PSD2: variants seen among roughly 807,000 people sequenced by gnomAD.
PSD2 encodes the protein pleckstrin and Sec7 domain containing 2, also known as PH and SEC7 domain-containing protein 2.
A neutral mutation model predicts 69.8 loss-of-function variants in PSD2; 38 were observed. The ratio of observed to expected loss-of-function variants is 0.54; its 90% CI spans 0.42 to 0.71. The LOEUF is 0.71. PSD2 is among the 30% of genes least tolerant of loss of function. The pLI, the probability that PSD2 is intolerant of heterozygous loss-of-function variation, is 0.00. For missense variants in PSD2, 943 were observed against 1,014.5 expected, an observed-to-expected ratio of 0.93 and a Z score of 0.96; for synonymous variants, 412 against 423.0, an observed-to-expected ratio of 0.97 and a Z score of 0.32.
At chr5:139,811,332 T>C (rs1243125300) in intron 2 of PSD2, among the ~76,000 whole-genome samples, 1 of 152,016 alleles carries the variant, frequency 6.6e-6, no homozygotes, top group Non-Finnish European at 1.5e-5. Context: ...TCTTAGGCAC[T>C]GGGGGGCCAA....
the PSD2 span, among the ~76,000 whole-genome samples, chr5:139,768,214 G>A: frequency 1.3e-5 from 2 of 152,230 alleles, no homozygotes; most frequent in Non-Finnish European, 2.9e-5. Context: ...GGGGGAGGAA[G>A]AGGAGGGAGA....
At position 139,817,466 on chromosome 5, in the gene PSD2, A is replaced by G; in HGVS notation, c.1017-15A>G. ...GGACCCTGCTTCTAACAGACATCCCATACTCTCCTGGCAGCAACGAGTTTA... is the reference window on the plus strand; with the variant it reads ...GGACCCTGCTTCTAACAGACATCCCGTACTCTCCTGGCAGCAACGAGTTTA... On this transcript the variant is annotated splice_polypyrimidine_tract_variant and intron_variant, in intron 4 of 14. Transcript: ENST00000274710. The G allele has an allele frequency of 1.9e-6, 3 of 1,611,904 alleles. No homozygotes were observed. Among genetic ancestry groups the G allele is most frequent in the South Asian group, 1.1e-5 (1 of 91,008 alleles).
chr5:139,745,816 C>G, the PSD2 span, among the ~76,000 whole-genome samples: 26 of 152,318 alleles, frequency 1.7e-4, no homozygotes, highest in African/African-American at 6.3e-4. Context: ...GCCTGGCCTG[C>G]CTCTGGGGCT....
At chr5:139,758,391 G>A in the PSD2 span, among the ~76,000 whole-genome samples, 1 of 152,208 alleles carries the variant, frequency 6.6e-6, no homozygotes, top group African/African-American at 2.4e-5. Context: ...CACAGTGAGT[G>A]TTTCTGGAGG....
the PSD2 span, among the ~76,000 whole-genome samples, chr5:139,790,662 C>T: frequency 6.6e-6 from 1 of 152,126 alleles, no homozygotes; most frequent in Non-Finnish European, 1.5e-5. Context: ...AAGCTAAGAC[C>T]AGGCCTGTGA....
chr5:139,766,832 T>TCTCTCTTTCTTTCA, the PSD2 span, among the ~76,000 whole-genome samples: 1 of 47,552 alleles, frequency 2.1e-5, no homozygotes, highest in East Asian at 9.2e-4. Context: ...CCCTTCCTTC[T>TCTCTCTTTCTTTCA]TTCTTTCTTT....
intron 1 of PSD2, among the ~76,000 whole-genome samples, chr5:139,807,851 CACACTTG>C (rs1481514286): frequency 6.6e-6 from 1 of 152,204 alleles, no homozygotes; most frequent in Admixed American, 6.5e-5. Flanking sequence ...CCAGTGTTCC[CACACTTG>C]CCTCGTTATA....
At chr5:139,778,823 G>C in the PSD2 span, among the ~76,000 whole-genome samples, 1 of 151,968 alleles carries the variant, frequency 6.6e-6, no homozygotes. Context: ...CAGCTACTCA[G>C]GGGGCTGAGG....
chr5:139,834,103 A>G (rs540464572), intron 8 of PSD2, among the ~76,000 whole-genome samples: 2 of 152,214 alleles, frequency 1.3e-5, no homozygotes, highest in South Asian at 4.2e-4. Flanking sequence ...CTTCACCACA[A>G]ACATCATTAT....
chr5:139,838,508 AC>A, intron 12 of PSD2, 119 bp from the exon 13 acceptor site: 1 of 1,079,494 alleles, frequency 9.3e-7, no homozygotes, highest in Non-Finnish European at 1.4e-6. Flanking sequence ...CCCTTTATCC[AC>A]CCATCTAGAG....
At chr5:139,763,204 G>A in the PSD2 span, among the ~76,000 whole-genome samples, 1 of 152,086 alleles carries the variant, frequency 6.6e-6, no homozygotes, top group Non-Finnish European at 1.5e-5. Flanking sequence ...GATGTGTGAG[G>A]TGTGTGGGAC....
Position 139,822,936 on chromosome 5 carries a change from G to C in PSD2, c.1269+152G>C, listed in dbSNP as rs529861741. ...CAGCTTGGCTTCTAGATTTGGCCCC[G>C]CCCTAGTTTCATCCACCTGTGATCC... On this transcript the variant is annotated intron_variant, in intron 7 of 14. Coordinates refer to ENST00000274710, the MANE Select transcript of PSD2 (RefSeq NM_032289.4). The C allele has an allele frequency of 1.2e-5, 7 of 584,078 alleles. No individual in the cohort carries two copies. The South Asian group carries it at 2.0e-4, about 17-fold the overall frequency. The allele number at this position is 584,078 out of a possible 1,614,324, so 36.2% of individuals were successfully genotyped here.
chr5:139,762,501 T>G, the PSD2 span, among the ~76,000 whole-genome samples: 2 of 152,220 alleles, frequency 1.3e-5, no homozygotes, highest in Non-Finnish European at 2.9e-5. Flanking sequence ...CCACAATGCC[T>G]ATCTAAGTAA....
the PSD2 span, among the ~76,000 whole-genome samples, chr5:139,767,400 C>T: frequency 6.6e-6 from 1 of 152,106 alleles, no homozygotes; most frequent in Admixed American, 6.5e-5. Context: ...CTGCAACCTC[C>T]ACCTCCCGGA....
At chr5:139,781,388 T>C in the PSD2 span, among the ~76,000 whole-genome samples, 11 of 151,792 alleles carry the variant, frequency 7.2e-5, no homozygotes, top group Non-Finnish European at 1.6e-4. Flanking sequence ...CAGGCTGGAG[T>C]GCAGTGGTGC....
the PSD2 span, among the ~76,000 whole-genome samples, chr5:139,761,120 G>A: frequency 6.6e-6 from 1 of 152,192 alleles, no homozygotes; most frequent in Non-Finnish European, 1.5e-5. Flanking sequence ...CCACAGCATT[G>A]CCCATCAACA....
chr5:139,784,055 C>T, the PSD2 span, among the ~76,000 whole-genome samples: 10 of 151,000 alleles, frequency 6.6e-5, no homozygotes, highest in Non-Finnish European at 1.5e-4. Flanking sequence ...GATCCTCCCA[C>T]CCTAGCCTCC....
At chr5:139,809,056 T>C (rs1393979748) in intron 1 of PSD2, among the ~76,000 whole-genome samples, 2 of 152,226 alleles carry the variant, frequency 1.3e-5, no homozygotes, top group African/African-American at 4.8e-5. Flanking sequence ...GGGGCCCTAC[T>C]GGACCCTTCT....
At chr5:139,771,621 G>T in the PSD2 span, among the ~76,000 whole-genome samples, 8 of 152,096 alleles carry the variant, frequency 5.3e-5, no homozygotes, top group African/African-American at 1.9e-4. Flanking sequence ...CTCGTGATCC[G>T]CCCACCTCGG....
Sources: gnomAD v4.1 joint callset for allele counts (sites outside exome capture counted in the v4.1 genomes callset) on GRCh38, gnomAD v4.1.1 for gene constraint, MANE v1.5 for transcripts, NCBI Gene and HGNC (gene_info 2026-07-23, HGNC 2026-07-21) for gene names.